Variants in TMEM117 observed in about 807,000 individuals in gnomAD.
TMEM117 encodes transmembrane protein 117.
A neutral mutation model predicts 52.4 loss-of-function variants in TMEM117; 27 were observed. The ratio of observed to expected loss-of-function variants is 0.51; its 90% confidence interval spans 0.38 to 0.71. TMEM117 has a LOEUF of 0.71. Among genes scored for constraint, TMEM117 ranks in the 30% least tolerant of loss-of-function variants. The pLI, the probability that TMEM117 is intolerant of heterozygous loss-of-function variation, is 0.00. For synonymous variants in TMEM117, 215 were observed against 206.3 expected (o/e 1.04, Z -0.36); for missense variants, 556 against 630.5 (o/e 0.88, Z 1.26).
chr12:44,154,104 C>A (rs1298317723), intron 4 of TMEM117, among the ~76,000 whole-genome samples: 1 of 152,036 alleles, frequency 6.6e-6, no homozygotes, highest in Non-Finnish European at 1.5e-5. Flanking sequence ...CACGATCCTT[C>A]ACTAGTCTAC....
intron 1 of TMEM117, among the ~76,000 whole-genome samples, chr12:43,841,411 G>A (rs1311976901): frequency 6.6e-6 from 1 of 152,202 alleles, no homozygotes; most frequent in Non-Finnish European, 1.5e-5. Context: ...ATGTGGCAGT[G>A]ATAGTAGCAT....
intron 7 of TMEM117, among the ~76,000 whole-genome samples, chr12:44,387,164 A>G (rs1157214907): frequency 1.3e-5 from 2 of 151,762 alleles, no homozygotes; most frequent in Non-Finnish European, 2.9e-5. Flanking sequence ...GTATCACTCG[A>G]AAGTTTTTTC....
intron 3 of TMEM117, among the ~76,000 whole-genome samples, chr12:44,090,271 CA>C (rs978629670): frequency 2.6e-5 from 4 of 152,074 alleles, no homozygotes; most frequent in African/African-American, 9.7e-5. Context: ...CTTATCTTGT[CA>C]CTCAAGTAGT....
At chr12:44,268,132 G>T (rs1354032634) in intron 5 of TMEM117, among the ~76,000 whole-genome samples, 1 of 151,108 alleles carries the variant, frequency 6.6e-6, no homozygotes, top group Non-Finnish European at 1.5e-5. Context: ...AATTCTACTT[G>T]ATCATGACAT....
chr12:43,915,966 G>A (rs1944595941), intron 2 of TMEM117, among the ~76,000 whole-genome samples: 1 of 152,108 alleles, frequency 6.6e-6, no homozygotes, highest in Non-Finnish European at 1.5e-5. Flanking sequence ...TCTCTTGTCT[G>A]ATCTAGCAAA....
chr12:43,885,018 G>T (rs1194649016), intron 2 of TMEM117, among the ~76,000 whole-genome samples: 1 of 152,126 alleles, frequency 6.6e-6, no homozygotes, highest in Non-Finnish European at 1.5e-5. Context: ...TAATAAATCT[G>T]CTTTTCTTTA....
At chr12:44,032,197 ATAAT>A (rs2137871736) in intron 3 of TMEM117, among the ~76,000 whole-genome samples, 1 of 152,364 alleles carries the variant, frequency 6.6e-6, no homozygotes, top group Non-Finnish European at 1.5e-5. Flanking sequence ...TATGTGAAAA[ATAAT>A]TATTCTTGCT....
At chr12:44,196,970 C>T (rs1481179265) in intron 4 of TMEM117, among the ~76,000 whole-genome samples, 3 of 152,166 alleles carry the variant, frequency 2.0e-5, no homozygotes, top group East Asian at 3.9e-4. Context: ...TTATCTTCCG[C>T]ACATTAGCCT....
chr12:44,037,599 G>A (rs994582567), intron 3 of TMEM117, among the ~76,000 whole-genome samples: 2 of 152,076 alleles, frequency 1.3e-5, no homozygotes, highest in Non-Finnish European at 2.9e-5. Flanking sequence ...CCTGGCTGAC[G>A]GACAAGAATG....
intron 6 of TMEM117, among the ~76,000 whole-genome samples, chr12:44,364,765 C>T (rs968171315): frequency 2.0e-5 from 3 of 152,062 alleles, no homozygotes; most frequent in Non-Finnish European, 2.9e-5. Flanking sequence ...TATAGATCTT[C>T]TTGTGTTTTT....
intron 2 of TMEM117, among the ~76,000 whole-genome samples, chr12:43,845,530 C>CT (rs1276424851): frequency 2.1e-5 from 3 of 140,578 alleles, no homozygotes; most frequent in Non-Finnish European, 1.5e-5. Flanking sequence ...TTTTTAAAAA[C>CT]TTTTTTTATT....
intron 3 of TMEM117, among the ~76,000 whole-genome samples, chr12:44,120,697 C>G (rs1378558117): frequency 2.0e-5 from 3 of 152,112 alleles, no homozygotes; most frequent in Admixed American, 1.3e-4. Context: ...CTAGCTTGGC[C>G]TCATTTATCT....
At chr12:44,215,057 A>G (rs919342051) in intron 5 of TMEM117, among the ~76,000 whole-genome samples, 1 of 152,114 alleles carries the variant, frequency 6.6e-6, no homozygotes, top group Admixed American at 6.6e-5. Flanking sequence ...AAAAATGGGT[A>G]TTTTCTTTTG....
chr12:43,942,050 G>A (rs1288198500), intron 2 of TMEM117, among the ~76,000 whole-genome samples: 4 of 152,156 alleles, frequency 2.6e-5, no homozygotes, highest in African/African-American at 9.7e-5. Context: ...TCTTTGAAGT[G>A]CTTCATTATC....
chr12:44,292,561 G>C (rs985569307), intron 5 of TMEM117, among the ~76,000 whole-genome samples: 2 of 151,748 alleles, frequency 1.3e-5, no homozygotes, highest in Non-Finnish European at 2.9e-5. Flanking sequence ...CGTTTTATTT[G>C]GGATCTTTCT....
At chr12:44,304,103 G>T (rs1241268049) in intron 6 of TMEM117, among the ~76,000 whole-genome samples, 1 of 152,180 alleles carries the variant, frequency 6.6e-6, no homozygotes, top group East Asian at 1.9e-4. Context: ...ACTGAAGAGG[G>T]TAAGAGAGAC....
chr12:43,797,515 A>C, the TMEM117 span: 130 of 1,422,038 alleles, frequency 9.1e-5, no homozygotes, highest in African/African-American at 1.6e-3. Flanking sequence ...GTTAAAACAT[A>C]TAATAAAAAG....
At chr12:44,132,811 T>G (rs180706657) in intron 3 of TMEM117, among the ~76,000 whole-genome samples, 1 of 152,316 alleles carries the variant, frequency 6.6e-6, no homozygotes, top group East Asian at 1.9e-4. Context: ...GGGTGCTGTT[T>G]ACATGTGGCA....
intron 7 of TMEM117, among the ~76,000 whole-genome samples, chr12:44,380,162 A>G (rs1459955964): frequency 6.6e-6 from 1 of 152,210 alleles, no homozygotes; most frequent in Non-Finnish European, 1.5e-5. Flanking sequence ...GTTAAAATCA[A>G]AAGCCAAGGG....
Sources: gnomAD v4.1 joint callset for allele counts (sites outside exome capture counted in the v4.1 genomes callset) on GRCh38, gnomAD v4.1.1 for gene constraint, MANE v1.5 for transcripts, NCBI Gene and HGNC (gene_info 2026-07-23, HGNC 2026-07-21) for gene names.